TLL2: variants seen among roughly 807,000 people sequenced by gnomAD.
TLL2 encodes the protein tolloid like 2.
TLL2 carries 106 observed loss-of-function variants against 123.0 expected under a neutral mutation model. That is an observed-to-expected ratio of 0.86 (90% CI 0.74 to 1.01). The LOEUF is 1.01. Ranked by LOEUF, TLL2 falls within the 50% of genes least tolerant of loss-of-function variation. TLL2 has a pLI of 0.00. For missense variants in TLL2, 1,332 were observed against 1,336.7 expected (o/e 1.00, Z 0.06); for synonymous variants, 494 against 516.8 (o/e 0.96, Z 0.60).
chr10:96,415,932 G>A (rs1255776034), intron 7 of TLL2, among the ~76,000 whole-genome samples: 1 of 150,552 alleles, frequency 6.6e-6, no homozygotes, highest in Non-Finnish European at 1.5e-5. Context: ...CTTAGCCTGT[G>A]GGAGTATAGA....
intron 3 of TLL2, among the ~76,000 whole-genome samples, chr10:96,438,915 A>G (rs1024342324): frequency 5.3e-5 from 8 of 152,026 alleles, no homozygotes; most frequent in African/African-American, 1.9e-4. Context: ...CTGTGATAAT[A>G]GGATTCTTCT....
intron 1 of TLL2, among the ~76,000 whole-genome samples, chr10:96,502,693 A>T (rs1035906036): frequency 7.7e-5 from 11 of 142,460 alleles, no homozygotes; most frequent in African/African-American, 2.5e-4. Context: ...AGGAGAGGCG[A>T]CCCTGCGACC....
intron 3 of TLL2, among the ~76,000 whole-genome samples, chr10:96,440,174 C>T (rs1846837408): frequency 6.6e-6 from 1 of 152,218 alleles, no homozygotes; most frequent in South Asian, 2.1e-4. Flanking sequence ...CAGCCCTAAA[C>T]TACAAATTGC....
chr10:96,398,313 A>G (rs1846359780), intron 10 of TLL2, among the ~76,000 whole-genome samples: 1 of 152,210 alleles, frequency 6.6e-6, no homozygotes, highest in Non-Finnish European at 1.5e-5. Flanking sequence ...ATCTGGATAG[A>G]GGACTCATTG....
At chr10:96,381,191 TG>T (rs1413635194) in intron 16 of TLL2, among the ~76,000 whole-genome samples, 1 of 152,202 alleles carries the variant, frequency 6.6e-6, no homozygotes, top group Non-Finnish European at 1.5e-5. Context: ...AGGTGGCTCC[TG>T]CCCCCTGCCC....
chr10:96,462,005 C>T (rs1404469008), intron 2 of TLL2, among the ~76,000 whole-genome samples: 1 of 152,256 alleles, frequency 6.6e-6, no homozygotes, highest in Non-Finnish European at 1.5e-5. Flanking sequence ...ACAGCAGACG[C>T]TTACAAAATA....
intron 7 of TLL2, among the ~76,000 whole-genome samples, chr10:96,418,352 G>A (rs74151315): frequency 0.012 from 1,769 of 152,340 alleles, 36 homozygotes; most frequent in African/African-American, 0.04. Flanking sequence ...GCGGTGAGAA[G>A]GCAGTGCAGT....
intron 10 of TLL2, among the ~76,000 whole-genome samples, chr10:96,400,528 C>T (rs1335621310): frequency 6.6e-6 from 1 of 152,144 alleles, no homozygotes; most frequent in African/African-American, 2.4e-5. Context: ...AGCCTCAAAC[C>T]ATAAAGCAAT....
At chr10:96,444,943 A>C (rs1846882356) in intron 3 of TLL2, among the ~76,000 whole-genome samples, 1 of 152,206 alleles carries the variant, frequency 6.6e-6, no homozygotes, top group African/African-American at 2.4e-5. Context: ...TAATCCCAGC[A>C]CTTTGGGAGG....
intron 13 of TLL2, among the ~76,000 whole-genome samples, chr10:96,393,648 A>G (rs975551274): frequency 1.3e-5 from 2 of 152,056 alleles, no homozygotes; most frequent in Non-Finnish European, 2.9e-5. Flanking sequence ...AGGCATCTCA[A>G]CTAAGGCTGT....
At chr10:96,495,846 G>A (rs1442445206) in intron 1 of TLL2, among the ~76,000 whole-genome samples, 1 of 152,152 alleles carries the variant, frequency 6.6e-6, no homozygotes, top group Admixed American at 6.5e-5. Flanking sequence ...GCCTTCTCCA[G>A]GAATAGATGG....
In TLL2 at chr10:96,513,799, G is replaced by C; in HGVS notation, c.-114C>G. 1 of 1,137,608 alleles carries C rather than the reference G, an allele frequency of 8.8e-7. No individual in the cohort carries two copies. Among genetic ancestry groups the C allele is most frequent in the Non-Finnish European group, 1.2e-6 (1 of 852,384 alleles). 70.5% of individuals were successfully genotyped at this position (1,137,608 alleles called of 1,614,324 possible). On this transcript the variant is annotated 5_prime_UTR_variant, in exon 1 of 21. Transcript: ENST00000357947. ...CCGGCCGGGACTCGGTGGTTACACA[G>C]GGCTGCTGGGCATGGCTCAGGCGCG...
At chr10:96,369,480 G>A (rs1846058259) in intron 20 of TLL2, among the ~76,000 whole-genome samples, 1 of 152,138 alleles carries the variant, frequency 6.6e-6, no homozygotes, top group African/African-American at 2.4e-5. Flanking sequence ...GAGGAGAGTG[G>A]CTGCGCATGG....
At chr10:96,431,597 T>C (rs57051401) in intron 4 of TLL2, among the ~76,000 whole-genome samples, 1,656 of 152,292 alleles carry the variant, frequency 0.011, 32 homozygotes, top group African/African-American at 0.038. Context: ...GCATATTTGC[T>C]ACCTGCCTAG....
intron 1 of TLL2, among the ~76,000 whole-genome samples, chr10:96,488,229 T>C (rs908517869): frequency 2.8e-4 from 42 of 152,198 alleles, no homozygotes; most frequent in Non-Finnish European, 5.9e-5. Flanking sequence ...CCCACATCAG[T>C]GTGATGTGTA....
At chr10:96,477,200 A>G (rs1165378951) in intron 2 of TLL2, among the ~76,000 whole-genome samples, 3 of 152,052 alleles carry the variant, frequency 2.0e-5, no homozygotes, top group East Asian at 3.8e-4. Context: ...TCACTTTGCC[A>G]TAAAAACACA....
chr10:96,383,488 C>T (rs1318807445), intron 16 of TLL2, among the ~76,000 whole-genome samples: 3 of 152,230 alleles, frequency 2.0e-5, no homozygotes, highest in Admixed American at 6.5e-5. Context: ...AAGGGGTTTC[C>T]CCCTTCACTT....
At chr10:96,375,474 G>A (rs955914413) in intron 18 of TLL2, 1 of 152,136 alleles carries the variant, frequency 6.6e-6, no homozygotes, top group Non-Finnish European at 1.5e-5. Flanking sequence ...GGTCCTCGGG[G>A]CTCTATGTTG....
At chr10:96,427,100 T>C (rs1317215609) in intron 5 of TLL2, among the ~76,000 whole-genome samples, 2 of 152,222 alleles carry the variant, frequency 1.3e-5, no homozygotes, top group Non-Finnish European at 1.5e-5. Flanking sequence ...CTTGCTGTTT[T>C]TATGACCTAA....
Sources: allele counts gnomAD v4.1 joint callset (sites outside exome capture counted in the v4.1 genomes callset), GRCh38; gene constraint gnomAD v4.1.1; transcripts MANE v1.5; gene names NCBI Gene and HGNC (gene_info 2026-07-23, HGNC 2026-07-21).